Variants in LIMK2 observed in about 807,000 individuals in gnomAD.
The protein encoded by LIMK2 is LIM domain kinase 2.
LIMK2 carries 35 observed loss-of-function variants against 75.7 expected under a neutral mutation model. That is an observed-to-expected ratio of 0.46 (90% confidence interval 0.35 to 0.61). LIMK2 has a LOEUF of 0.61. Among genes scored for constraint, LIMK2 ranks in the 20% least tolerant of loss-of-function variants. LIMK2 has a pLI of 0.00. For missense variants in LIMK2, 623 were observed against 831.0 expected (o/e 0.75, Z 3.08); for synonymous variants, 301 against 319.2 (o/e 0.94, Z 0.61).
At chr22:31,252,838 G>A (rs1161754463) in intron 2 of LIMK2, among the ~76,000 whole-genome samples, 2 of 152,240 alleles carry the variant, frequency 1.3e-5, no homozygotes, top group African/African-American at 4.8e-5. Context: ...TACAAGTGAG[G>A]AAACTGAGGC....
chr22:31,223,798 A>C (rs1328844590), intron 1 of LIMK2, among the ~76,000 whole-genome samples: 1 of 152,210 alleles, frequency 6.6e-6, no homozygotes, highest in Non-Finnish European at 1.5e-5. Flanking sequence ...TAGACCCAGG[A>C]AGAATGAGTG....
intron 2 of LIMK2, among the ~76,000 whole-genome samples, chr22:31,238,063 C>T (rs1166647201): frequency 7.0e-6 from 1 of 143,182 alleles, no homozygotes; most frequent in East Asian, 2.1e-4. Context: ...TGTAGTGAGC[C>T]GAGTTTGTGC....
rs2048471260 is a variant in LIMK2, at chr22:31,225,725, G to T, written c.22G>T (p.Asp8Tyr). The T allele has an allele frequency of 6.2e-7, 1 of 1,613,636 alleles. No homozygotes were observed. Among genetic ancestry groups the T allele is most frequent in the African/African-American group, 1.3e-5 (1 of 74,932 alleles). ...CCTCTTGGTTTTGTGTGCAGGTGAA[G>T]ATGTCTGGAGGTGTCCAGGCTGTGG... MSALAGE[D>Y]VWRCPGCGDH... Residue 8 changes from aspartate (D) to tyrosine (Y), a missense_variant, in exon 2 of 16, where the codon GAT becomes TAT. Coordinates refer to ENST00000331728, the MANE Select transcript of LIMK2 (RefSeq NM_005569.4).
At chr22:31,277,475 G>A in intron 15 of LIMK2, 1 of 1,113,326 alleles carries the variant, frequency 9.0e-7, no homozygotes, top group Non-Finnish European at 1.1e-6. Context: ...TTTTCTGGTG[G>A]GAGAATCTAT....
chr22:31,237,572 A>T (rs2048590136), intron 2 of LIMK2, among the ~76,000 whole-genome samples: 1 of 151,890 alleles, frequency 6.6e-6, no homozygotes, highest in African/African-American at 2.4e-5. Context: ...AAAAAAAAGA[A>T]GAAATGGAGA....
intron 15 of LIMK2, chr22:31,276,986 T>C (rs1365167516): frequency 6.2e-7 from 1 of 1,613,872 alleles, no homozygotes; most frequent in Admixed American, 1.7e-5. Flanking sequence ...GAGATTGACG[T>C]GGATGAGCTC....
intron 1 of LIMK2, among the ~76,000 whole-genome samples, chr22:31,219,894 A>C (rs1350528033): frequency 1.3e-5 from 2 of 152,178 alleles, no homozygotes; most frequent in Non-Finnish European, 2.9e-5. Context: ...CTTAACAATC[A>C]GTAGCCACTG....
chr22:31,264,173 A>G lies in LIMK2; in HGVS notation c.854+1382A>G, dbSNP rs1366089568. On this transcript the variant is annotated intron_variant, in intron 7 of 15. Coordinates refer to ENST00000331728, the MANE Select transcript of LIMK2 (RefSeq NM_005569.4). ...AGTGGGAGGCAGGGCAACAGAGGGCAGGGAAGAGCTAGAAATCCATGGCCT... is the reference window on the plus strand; with the variant it reads ...AGTGGGAGGCAGGGCAACAGAGGGCGGGGAAGAGCTAGAAATCCATGGCCT... Among the ~76,000 whole-genome samples, 3 of 152,158 alleles carry G rather than the reference A, an allele frequency of 2.0e-5. No individual in the cohort carries two copies. The South Asian group carries it at 6.2e-4, about 32-fold the overall frequency.
intron 2 of LIMK2, among the ~76,000 whole-genome samples, chr22:31,254,306 G>A (rs1568994164): frequency 1.3e-5 from 2 of 152,248 alleles, no homozygotes; most frequent in African/African-American, 4.8e-5. Context: ...GCGTAACAGA[G>A]CCCAGGCCTG....
chr22:31,225,738 G>C lies in LIMK2; in HGVS notation c.35G>C (p.Cys12Ser). 6.2e-7 allele frequency: 1 copy of C among 1,614,040 alleles called. No individual in the cohort carries two copies. The highest frequency in any genetic ancestry group is 8.5e-7 in the Non-Finnish European group (1 of 1,179,946). Residue 12 changes from cysteine to serine, a missense_variant, in exon 2 of 16, where the codon TGT becomes TCT. This residue lies in a region of LIMK2 where 514 missense variants were observed against 661.3 expected (regional missense o/e 0.78). Coordinates refer to ENST00000331728, the MANE Select transcript of LIMK2 (RefSeq NM_005569.4). ...SALAGEDVWR[C>S]PGCGDHIAPS... ...TGTGCAGGTGAAGATGTCTGGAGGT[G>C]TCCAGGCTGTGGGGACCACATTGCT...
At chr22:31,261,632 G>T (rs531869941) in intron 5 of LIMK2, among the ~76,000 whole-genome samples, 12 of 152,078 alleles carry the variant, frequency 7.9e-5, no homozygotes, top group Admixed American at 7.2e-4. Flanking sequence ...GCTGGGTATG[G>T]TGGTGCGCGC....
At chr22:31,266,922 C>T in intron 8 of LIMK2, 62 bp from the exon 9 acceptor site, 1 of 1,201,604 alleles carries the variant, frequency 8.3e-7, no homozygotes, top group Non-Finnish European at 1.2e-6. Flanking sequence ...CATAGATTTT[C>T]TCAAACAGTT....
At chr22:31,233,429 T>C (rs1200897810) in intron 2 of LIMK2, among the ~76,000 whole-genome samples, 1 of 152,250 alleles carries the variant, frequency 6.6e-6, no homozygotes. Flanking sequence ...CTTACCTCTC[T>C]GGTAATACCT....
At chr22:31,258,269 C>A (rs375524374) in intron 2 of LIMK2, 22 bp from the exon 3 acceptor site, 7 of 1,576,896 alleles carry the variant, frequency 4.4e-6, no homozygotes, top group Admixed American at 1.8e-5. Flanking sequence ...AGGAGAATTT[C>A]AGTTCTTGTC....
chr22:31,262,932 C>T lies in LIMK2; in HGVS notation c.854+141C>T, dbSNP rs866202759. 9.2e-5 allele frequency: 70 copies of T among 759,366 alleles called. No homozygotes were observed. The African/African-American group carries it at 1.1e-3, about 12-fold the overall frequency. 47.0% of individuals were successfully genotyped at this position (759,366 alleles called of 1,614,324 possible). ...ATGAGGATTGTGCTGACCCAGCTGC[C>T]CCTGTGGGGATCACAGTTTACAGCC... On this transcript the variant is annotated intron_variant, in intron 7 of 15. Transcript: ENST00000331728. This position sits in a 1 kb window ranked among gnomAD's most constrained non-coding sequence, Gnocchi z 5.0.
chr22:31,214,752 T>C (rs1395241759), intron 1 of LIMK2, among the ~76,000 whole-genome samples: 1 of 152,200 alleles, frequency 6.6e-6, no homozygotes, highest in Non-Finnish European at 1.5e-5. Context: ...AGGCATGTAG[T>C]GCCTTTGAGC....
chr22:31,247,642 A>G (rs754051188), intron 2 of LIMK2, among the ~76,000 whole-genome samples: 3 of 152,190 alleles, frequency 2.0e-5, no homozygotes, highest in Admixed American at 6.5e-5. Flanking sequence ...ATGAGCCTAC[A>G]TTTAAATTCC....
Position 31,263,439 on chromosome 22 carries a change from GTC to G in LIMK2, c.854+651_854+652del, listed in dbSNP as rs560746558. On this transcript the variant is annotated intron_variant, in intron 7 of 15. Coordinates refer to ENST00000331728, the MANE Select transcript of LIMK2 (RefSeq NM_005569.4). Reference sequence around the variant, plus strand: ...ATAAGATGGTAAGATAAAGGTGGCTGTCTCACCAATTATGTAAGGATTAAATG... The same window carrying G: ...ATAAGATGGTAAGATAAAGGTGGCTGTCACCAATTATGTAAGGATTAAATG... Among the ~76,000 whole-genome samples, 554 of 152,322 alleles carry G rather than the reference GTC, an allele frequency of 3.6e-3. 5 individuals carry two copies. Among genetic ancestry groups the G allele is most frequent in the African/African-American group, 0.012 (516 of 41,570 alleles).
At position 31,268,220 on chromosome 22, in the gene LIMK2, C is replaced by G; in HGVS notation, c.1317+20C>G. The G allele has an allele frequency of 6.2e-7, 1 of 1,606,308 alleles. No homozygotes were observed. The highest frequency in any genetic ancestry group is 8.5e-7 in the Non-Finnish European group (1 of 1,172,886). On this transcript the variant is annotated intron_variant, in intron 11 of 15. Coordinates refer to ENST00000331728, the MANE Select transcript of LIMK2 (RefSeq NM_005569.4). The stretch of plus-strand genomic sequence containing the variant: ...GGAATGGTGAGTCCCACCAACAAAC[C>G]TGCCAGCAGGGCGAGAGTAGGGAGA...
Sources: gnomAD v4.1 joint callset for allele counts (sites outside exome capture counted in the v4.1 genomes callset) on GRCh38, gnomAD v4.1.1 for gene constraint, gnomAD v4.1.1 regional missense constraint, Gnocchi (gnomAD v3.1) non-coding constraint, MANE v1.5 for transcripts, NCBI Gene and HGNC (gene_info 2026-07-23, HGNC 2026-07-21) for gene names.